The following ERO1B variants were observed in gnomAD, a reference collection of about 807,000 sequenced individuals.
ERO1B encodes ERO1-like protein beta.
ERO1B carries 49 observed loss-of-function variants against 75.3 expected under a neutral mutation model. That is an observed-to-expected ratio of 0.65 (90% CI 0.52 to 0.83). ERO1B has a LOEUF of 0.83. Among genes scored for constraint, ERO1B ranks in the 40% least tolerant of loss-of-function variants. The pLI is 0.00. For synonymous variants in ERO1B, 191 were observed against 192.9 expected, an observed-to-expected ratio of 0.99 and a Z score of 0.08; for missense variants, 512 against 560.1, an observed-to-expected ratio of 0.91 and a Z score of 0.87.
intron 6 of ERO1B, 54 bp from the exon 7 acceptor site, chr1:236,236,452 T>C (rs3768099): frequency 0.048 from 76,993 of 1,598,262 alleles, 5,517 homozygotes; most frequent in East Asian, 0.4. Context: ...TTATCTAAGA[T>C]TTAACAGTAC....
chr1:236,235,665 A>G, intron 8 of ERO1B, 124 bp downstream of exon 8: 1 of 820,674 alleles, frequency 1.2e-6, no homozygotes, highest in Non-Finnish European at 1.9e-6. Context: ...CTAATCTTAC[A>G]CTTTTTGTTC....
chr1:236,245,308 A>ACG lies in ERO1B; in HGVS notation c.432-1814_432-1813insCG. The stretch of plus-strand genomic sequence containing the variant: ...CCATGCCCAGTCAAAATATATATAT[A>ACG]TATATATATATATACACACACGTAT... On this transcript the variant is annotated intron_variant, in intron 5 of 15. Coordinates refer to ENST00000354619, the MANE Select transcript of ERO1B (RefSeq NM_019891.4). 5.8e-4 allele frequency among the ~76,000 whole-genome samples: 12 copies of ACG among 20,572 alleles called. 2 individuals carry two copies. The highest frequency in any genetic ancestry group is 1.9e-3 in the Admixed American group (2 of 1,038). 13.5% of individuals were successfully genotyped at this position (20,572 alleles called of 152,430 possible).
At chr1:236,270,776 C>T (rs1210893956) in intron 1 of ERO1B, among the ~76,000 whole-genome samples, 1 of 152,100 alleles carries the variant, frequency 6.6e-6, no homozygotes, top group Non-Finnish European at 1.5e-5. Context: ...TATATGATTC[C>T]ATTTACAGAA....
At chr1:236,243,358 AT>A in intron 6 of ERO1B, 63 bp downstream of exon 6, 1 of 1,157,904 alleles carries the variant, frequency 8.6e-7, no homozygotes, top group South Asian at 1.5e-5. Flanking sequence ...ATTTTCATTG[AT>A]TAAAATGTCT....
chr1:236,260,761 CA>C (rs991711001), intron 2 of ERO1B, among the ~76,000 whole-genome samples: 1 of 151,436 alleles, frequency 6.6e-6, no homozygotes, highest in Non-Finnish European at 1.5e-5. Context: ...TTAAACTTTT[CA>C]AAAAAATTGA....
At chr1:236,228,596 C>T (rs567289510) in intron 10 of ERO1B, among the ~76,000 whole-genome samples, 1 of 152,198 alleles carries the variant, frequency 6.6e-6, no homozygotes, top group African/African-American at 2.4e-5. Context: ...TTCCTCTTTT[C>T]GATTTAATTT....
At chr1:236,233,309 CAAAA>C (rs747020101) in intron 8 of ERO1B, among the ~76,000 whole-genome samples, 1 of 103,210 alleles carries the variant, frequency 9.7e-6, no homozygotes, top group Non-Finnish European at 2.0e-5. Context: ...AATTCCGTCT[CAAAA>C]AAAAAAAAAA....
intron 1 of ERO1B, among the ~76,000 whole-genome samples, chr1:236,276,734 G>C (rs149794762): frequency 5.9e-5 from 9 of 152,334 alleles, no homozygotes; most frequent in African/African-American, 9.6e-5. Context: ...GAATTTTCTA[G>C]AGGGAACAGA....
In ERO1B at chr1:236,222,014, G is replaced by C. The variant is rs1664158403; in HGVS notation, c.1123-4C>G. On this transcript the variant is annotated splice_polypyrimidine_tract_variant and splice_region_variant and intron_variant, in intron 13 of 15. Coordinates refer to ENST00000354619, the MANE Select transcript of ERO1B (RefSeq NM_019891.4). ...TGAAATGTAATCGGAATTCCTCCTA[G>C]CAAGCAGAAAATATTTTCAGTCTAA... 13 of 1,609,584 alleles carry C rather than the reference G, an allele frequency of 8.1e-6. No individual in the cohort carries two copies. Among genetic ancestry groups the C allele is most frequent in the Non-Finnish European group, 1.1e-5 (13 of 1,176,162 alleles).
In ERO1B at chr1:236,263,778, C is replaced by CTTTTTTTTTT; in HGVS notation, c.222+6087_222+6096dup. ...TATATTTTTTGTTTTATTTTGTTTG[C>CTTTTTTTTTT]TTTTTTTTTTTTTTTTTTTTTTTTT... On this transcript the variant is annotated intron_variant, in intron 2 of 15. Coordinates refer to ENST00000354619, the MANE Select transcript of ERO1B (RefSeq NM_019891.4). Among the ~76,000 whole-genome samples the CTTTTTTTTTT allele has an allele frequency of 4.4e-4, 35 of 80,300 alleles. 4 individuals are homozygous for CTTTTTTTTTT. The highest frequency in any genetic ancestry group is 8.2e-4 in the South Asian group (2 of 2,440). 52.7% of individuals were successfully genotyped at this position (80,300 alleles called of 152,430 possible). A position where few individuals can be genotyped will look rare whatever the true frequency, so the allele number is the denominator to read the frequency against.
chr1:236,245,041 G>C (rs574884325), intron 5 of ERO1B, among the ~76,000 whole-genome samples: 3 of 151,786 alleles, frequency 2.0e-5, no homozygotes, highest in East Asian at 3.9e-4. Flanking sequence ...ACCCAGGCTG[G>C]AGTGCACTGA....
At chr1:236,218,645 G>A (rs1664059077) in intron 15 of ERO1B, 69 bp from the exon 16 acceptor site, 1 of 1,187,148 alleles carries the variant, frequency 8.4e-7, no homozygotes, top group African/African-American at 1.6e-5. Context: ...TATTGATATT[G>A]TTACATAAGC....
At chr1:236,252,161 T>C in intron 3 of ERO1B, 70 bp from the exon 4 acceptor site, 1 of 914,218 alleles carries the variant, frequency 1.1e-6, no homozygotes, top group Non-Finnish European at 1.8e-6. Flanking sequence ...CTTCACGAAT[T>C]GTCAATGCAT....
intron 8 of ERO1B, among the ~76,000 whole-genome samples, chr1:236,233,304 C>T (rs1349878470): frequency 4.4e-5 from 6 of 137,898 alleles, no homozygotes; most frequent in Non-Finnish European, 7.7e-5. Flanking sequence ...AGCAAAATTC[C>T]GTCTCAAAAA....
chr1:236,257,688 A>G (rs747724614), intron 2 of ERO1B, among the ~76,000 whole-genome samples: 10 of 152,010 alleles, frequency 6.6e-5, no homozygotes, highest in Non-Finnish European at 1.0e-4. Flanking sequence ...AGTGCGATGC[A>G]TGAACAAATT....
rs1407478277 is a variant in ERO1B at position 236,236,312 on chromosome 1, C to T, written c.592G>A (p.Val198Met). The T allele has an allele frequency of 6.2e-7, 1 of 1,613,966 alleles. No homozygotes were observed. Among genetic ancestry groups the T allele is most frequent in the Non-Finnish European group, 8.5e-7 (1 of 1,179,942 alleles). The change falls in exon 7 of 16, where the codon GTG becomes ATG. Residue 198 changes from valine to methionine, a missense_variant. Transcript: ENST00000354619. The part of the protein sequence containing the change: ...TGYKGTSAWR[V>M]WNSIYEENCF... The stretch of plus-strand genomic sequence containing the variant: ...TTCTCTTCATAGATGCTGTTCCACA[C>T]TCTCCATGCAGAGGTCCCTTTATAG...
chr1:236,225,750 C>CA, intron 12 of ERO1B, among the ~76,000 whole-genome samples: 1 of 152,174 alleles, frequency 6.6e-6, no homozygotes, highest in Non-Finnish European at 1.5e-5. Context: ...GCCTGTCCAA[C>CA]ATGGTGAAAC....
intron 2 of ERO1B, among the ~76,000 whole-genome samples, chr1:236,255,179 A>G (rs1414277180): frequency 6.7e-6 from 1 of 150,344 alleles, no homozygotes; most frequent in Non-Finnish European, 1.5e-5. Flanking sequence ...CAAGCCATCC[A>G]CCCACCTCAG....
chr1:236,218,917 C>G (rs1182732865), intron 15 of ERO1B, among the ~76,000 whole-genome samples: 4 of 152,118 alleles, frequency 2.6e-5, no homozygotes, highest in African/African-American at 9.7e-5. Context: ...GTTCCCCAAA[C>G]ACACTAATTT....
Sources: allele counts gnomAD v4.1 joint callset (sites outside exome capture counted in the v4.1 genomes callset), GRCh38; gene constraint gnomAD v4.1.1; transcripts MANE v1.5; gene names NCBI Gene and HGNC (gene_info 2026-07-23, HGNC 2026-07-21).